NCOA4: variants seen among roughly 807,000 people sequenced by gnomAD.
NCOA4 encodes the protein nuclear receptor coactivator 4, also known as 70 kDa AR-activator.
A neutral mutation model predicts 69.5 loss-of-function variants in NCOA4; 31 were observed. The ratio of observed to expected loss-of-function variants is 0.45; its 90% CI spans 0.34 to 0.60. The LOEUF (loss-of-function observed/expected upper bound fraction) is 0.60, where lower values mean the gene tolerates loss of function less well. Ranked by LOEUF, NCOA4 falls within the 20% of genes least tolerant of loss-of-function variation. NCOA4 has a pLI of 0.02. For missense variants in NCOA4, 600 were observed against 719.2 expected, an observed-to-expected ratio of 0.83 and a Z score of 1.90; for synonymous variants, 228 against 252.4, an observed-to-expected ratio of 0.90 and a Z score of 0.92.
chr10:46,023,934 G>A (rs1170179697), intron 1 of NCOA4, among the ~76,000 whole-genome samples: 1 of 152,128 alleles, frequency 6.6e-6, no homozygotes, highest in Non-Finnish European at 1.5e-5. Flanking sequence ...CCTTTCAGTC[G>A]ATTTTTTGAA....
rs782261715 is a variant in NCOA4 at position 46,010,284 on chromosome 10, ATCT to A, written c.1634_1636del (p.Lys545del). On this transcript the variant is annotated inframe_deletion, in exon 8 of 10. Coordinates refer to ENST00000581486, the MANE Select transcript of NCOA4 (RefSeq NM_001145263.2). Reference sequence around the variant, plus strand: ...AGAAGATAACTGGCTGAGGTTGCCCATCTTCTTTCCTGGCAGGACCCAGTCAGC... The same window carrying A: ...AGAAGATAACTGGCTGAGGTTGCCCATCTTTCCTGGCAGGACCCAGTCAGC... 2 of 1,613,978 alleles carry A rather than the reference ATCT, an allele frequency of 1.2e-6. No individual in the cohort carries two copies. The highest frequency in any genetic ancestry group is 2.2e-5 in the East Asian group (1 of 44,890).
intron 1 of NCOA4, among the ~76,000 whole-genome samples, chr10:46,019,124 T>C (rs1234033377): frequency 6.6e-6 from 1 of 152,236 alleles, no homozygotes; most frequent in Non-Finnish European, 1.5e-5. Flanking sequence ...TTCGTCAGTC[T>C]CTTTTCTCCA....
intron 9 of NCOA4, 60 bp downstream of exon 9, chr10:46,009,334 TGACTTCATATGTAAGAC>T (rs1328054126): frequency 6.5e-7 from 1 of 1,538,052 alleles, no homozygotes; most frequent in Non-Finnish European, 8.9e-7. Context: ...GAGCCAAGTA[TGACTTCATATGTAAGAC>T]AAAACATTTA....
At chr10:46,027,492 T>C in intron 1 of NCOA4, 7 of 1,551,012 alleles carry the variant, frequency 4.5e-6, no homozygotes, top group Middle Eastern at 1.7e-4. Flanking sequence ...ACATTGTTCA[T>C]GTGCGTTCTA....
Position 46,006,568 on chromosome 10 carries a change from G to C in NCOA4, c.*24C>G, listed in dbSNP as rs1382658566. 6.2e-7 allele frequency: 1 copy of C among 1,613,280 alleles called. No homozygotes were observed. The highest frequency in any genetic ancestry group is 8.5e-7 in the Non-Finnish European group (1 of 1,179,522). ...ATGATGTGTGATAATCAGCAGAAAG[G>C]CTGCTCAACTCTTGTCCATTCCTTC... On this transcript the variant is annotated 3_prime_UTR_variant, in exon 10 of 10. Transcript: ENST00000581486.
chr10:46,022,461 GT>G, intron 1 of NCOA4: 1 of 463,330 alleles, frequency 2.2e-6, no homozygotes, highest in South Asian at 1.6e-5. Flanking sequence ...TTAAAGGTTG[GT>G]TTTGGGTTTT....
intron 1 of NCOA4, among the ~76,000 whole-genome samples, chr10:46,028,919 AAC>A (rs1840302474): frequency 6.6e-6 from 1 of 152,026 alleles, no homozygotes; most frequent in African/African-American, 2.4e-5. Flanking sequence ...AGTATTATAA[AAC>A]ACTAACTTAG....
chr10:46,012,815 C>G (rs1414175477), intron 7 of NCOA4, 68 bp downstream of exon 7: 4 of 1,565,774 alleles, frequency 2.6e-6, no homozygotes, highest in Non-Finnish European at 3.5e-6. Flanking sequence ...ACACATAGTA[C>G]TACTGATTAG....
intron 5 of NCOA4, 124 bp from the exon 6 acceptor site, chr10:46,013,763 A>G (rs1355355379): frequency 6.7e-6 from 4 of 599,754 alleles, no homozygotes; most frequent in African/African-American, 5.6e-5. Context: ...TTCACACTAA[A>G]TTCCATGACT....
intron 7 of NCOA4, among the ~76,000 whole-genome samples, chr10:46,012,548 C>T (rs551229711): frequency 6.6e-6 from 1 of 151,882 alleles, no homozygotes; most frequent in Non-Finnish European, 1.5e-5. Flanking sequence ...AAAAAATCTA[C>T]CTACCGAAAC....
intron 4 of NCOA4, 95 bp downstream of exon 4, chr10:46,014,759 A>T: frequency 9.9e-7 from 1 of 1,011,846 alleles, no homozygotes; most frequent in Non-Finnish European, 1.5e-6. Flanking sequence ...CACAGAAGTT[A>T]AATATAACAC....
At chr10:46,014,772 G>T in intron 4 of NCOA4, 82 bp downstream of exon 4, 1 of 1,103,396 alleles carries the variant, frequency 9.1e-7, no homozygotes, top group South Asian at 1.4e-5. Context: ...TATAACACAA[G>T]CAATGAGTTA....
intron 1 of NCOA4, among the ~76,000 whole-genome samples, chr10:46,021,551 AT>A (rs1181748374): frequency 6.6e-6 from 1 of 152,258 alleles, no homozygotes; most frequent in African/African-American, 2.4e-5. Flanking sequence ...TAAAATTAAC[AT>A]TCCAATGGAT....
At position 46,030,602 on chromosome 10, in the gene NCOA4, C is replaced by G. The variant is rs1840412897; in HGVS notation, c.-91G>C. 6.6e-6 allele frequency: 1 copy of G among 152,332 alleles called. No individual in the cohort carries two copies. Among genetic ancestry groups the G allele is most frequent in the African/African-American group, 2.4e-5 (1 of 41,462 alleles). The allele number at this position is 152,332 out of a possible 1,614,324, so 9.4% of individuals were successfully genotyped here. ...ACACGGCCCCACACTAACCTACGGCCCAAAGGCAGAGTTCTCGCGACAACA... is the reference window on the plus strand; with the variant it reads ...ACACGGCCCCACACTAACCTACGGCGCAAAGGCAGAGTTCTCGCGACAACA... On this transcript the variant is annotated 5_prime_UTR_variant, in exon 1 of 10. Coordinates refer to ENST00000581486, the MANE Select transcript of NCOA4 (RefSeq NM_001145263.2).
At chr10:46,006,709 T>G in intron 9 of NCOA4, 112 bp from the exon 10 acceptor site, 1 of 999,116 alleles carries the variant, frequency 1.0e-6, no homozygotes, top group Non-Finnish European at 1.6e-6. Flanking sequence ...CTTGTTACAT[T>G]GTATTTTTTA....
chr10:46,016,989 AAAGTT>A (rs1839600336), intron 1 of NCOA4, among the ~76,000 whole-genome samples: 1 of 152,246 alleles, frequency 6.6e-6, no homozygotes, highest in Non-Finnish European at 1.5e-5. Flanking sequence ...AGTGTCCTGA[AAAGTT>A]AAAAGAACAT....
At chr10:46,019,389 T>C (rs1839740448) in intron 1 of NCOA4, 1 of 985,366 alleles carries the variant, frequency 1.0e-6, no homozygotes, top group Non-Finnish European at 1.2e-6. Flanking sequence ...TGCTTCACTT[T>C]GCACTTAGGC....
In NCOA4 at chr10:46,005,511, C is replaced by G. The variant is rs1176585806; in HGVS notation, c.*1081G>C. On this transcript the variant is annotated 3_prime_UTR_variant, in exon 10 of 10. Transcript: ENST00000581486. ...AGAGAAAACATTATAAACCCCACTT[C>G]TCTCCTACACAGACATTTTAAAGCA... 14 of 220,722 alleles carry G rather than the reference C, an allele frequency of 6.3e-5. No homozygotes were observed. Among genetic ancestry groups the G allele is most frequent in the Non-Finnish European group, 1.3e-4 (14 of 109,872 alleles). The allele number at this position is 220,722 out of a possible 1,614,324, so 13.7% of individuals were successfully genotyped here.
intron 1 of NCOA4, among the ~76,000 whole-genome samples, chr10:46,024,620 G>GA (rs1443295958): frequency 6.6e-6 from 1 of 152,186 alleles, no homozygotes; most frequent in Non-Finnish European, 1.5e-5. Flanking sequence ...TAAGGAGAAA[G>GA]AAAATCACAA....
Sources: allele counts gnomAD v4.1 joint callset (sites outside exome capture counted in the v4.1 genomes callset), GRCh38; gene constraint gnomAD v4.1.1; transcripts MANE v1.5; gene names NCBI Gene and HGNC (gene_info 2026-07-23, HGNC 2026-07-21).